NXPE2: variants seen among roughly 807,000 people sequenced by gnomAD.
The protein encoded by NXPE2 is NXPE family member 2.
Under a neutral mutation model 34.4 loss-of-function variants are expected in NXPE2, and 34 were observed. The ratio of observed to expected loss-of-function variants is 0.99; its 90% CI spans 0.75 to 1.31. NXPE2 has a LOEUF of 1.31. NXPE2 is among the 40% of genes most tolerant of loss of function. NXPE2 has a pLI of 0.00. For missense variants in NXPE2, 649 were observed against 672.5 expected (o/e 0.97, Z 0.39); for synonymous variants, 235 against 231.3 (o/e 1.02, Z -0.15).
the NXPE2 span, among the ~76,000 whole-genome samples, chr11:114,645,493 A>C: frequency 5.3e-5 from 8 of 152,136 alleles, no homozygotes; most frequent in Non-Finnish European, 1.0e-4. Context: ...AAAAACCAAA[A>C]ACAAAAACAT....
At chr11:114,765,252 A>G in the NXPE2 span, among the ~76,000 whole-genome samples, 1 of 122,436 alleles carries the variant, frequency 8.2e-6, no homozygotes, top group East Asian at 2.6e-4. Flanking sequence ...AAATACAGAC[A>G]TACTTTTTTT....
At chr11:114,507,891 A>G in the NXPE2 span, among the ~76,000 whole-genome samples, 1,724 of 152,292 alleles carry the variant, frequency 0.011, 80 homozygotes, top group Admixed American at 0.09. Context: ...AGTCCTGGCC[A>G]GGGCAATCAG....
At chr11:114,714,834 C>G in the NXPE2 span, among the ~76,000 whole-genome samples, 2 of 152,210 alleles carry the variant, frequency 1.3e-5, no homozygotes, top group South Asian at 4.1e-4. Context: ...CCAGCCTGGC[C>G]AATATGGTGA....
chr11:114,752,148 C>A, the NXPE2 span, among the ~76,000 whole-genome samples: 2 of 152,180 alleles, frequency 1.3e-5, no homozygotes, highest in Non-Finnish European at 2.9e-5. Context: ...AGGAAAAGAA[C>A]CATGTGGATA....
At chr11:114,762,193 G>A in the NXPE2 span, among the ~76,000 whole-genome samples, 2 of 152,154 alleles carry the variant, frequency 1.3e-5, no homozygotes, top group South Asian at 2.1e-4. Flanking sequence ...TGGATGGGGA[G>A]GAGGTTGCAT....
chr11:114,514,874 C>A, the NXPE2 span, among the ~76,000 whole-genome samples: 1 of 152,004 alleles, frequency 6.6e-6, no homozygotes, highest in Non-Finnish European at 1.5e-5. Context: ...GTGTTCACAT[C>A]TATTTTCTTA....
At chr11:114,625,978 AACGGCGC>A in the NXPE2 span, among the ~76,000 whole-genome samples, 4,841 of 152,216 alleles carry the variant, frequency 0.032, 264 homozygotes, top group African/African-American at 0.11. Flanking sequence ...GGGCTTAAAA[AACGGCGC>A]ACCAGGAGAT....
chr11:114,661,861 A>G, the NXPE2 span, among the ~76,000 whole-genome samples: 2 of 152,206 alleles, frequency 1.3e-5, no homozygotes, highest in African/African-American at 4.8e-5. Flanking sequence ...GATTCTCTGT[A>G]TATACCCACA....
At chr11:114,747,170 C>T in the NXPE2 span, among the ~76,000 whole-genome samples, 135 of 152,250 alleles carry the variant, frequency 8.9e-4, no homozygotes, top group African/African-American at 2.6e-3. Context: ...CTGTAATGAA[C>T]AACCACAAAC....
At chr11:114,686,423 C>T (rs1951048996) in intron 2 of NXPE2, among the ~76,000 whole-genome samples, 1 of 152,126 alleles carries the variant, frequency 6.6e-6, no homozygotes, top group Admixed American at 6.6e-5. Flanking sequence ...CCAGCTGCAT[C>T]CATGTTGCTA....
the NXPE2 span, among the ~76,000 whole-genome samples, chr11:114,619,923 G>A: frequency 6.6e-6 from 1 of 151,812 alleles, no homozygotes; most frequent in Non-Finnish European, 1.5e-5. Context: ...TTACCTCATG[G>A]GTAACCACTG....
the NXPE2 span, among the ~76,000 whole-genome samples, chr11:114,722,602 A>G: frequency 2.0e-3 from 310 of 152,292 alleles, no homozygotes; most frequent in Middle Eastern, 0.01. Context: ...CTCCAAGCCA[A>G]GACCCTAAGA....
chr11:114,556,079 CA>C, the NXPE2 span, among the ~76,000 whole-genome samples: 7 of 152,118 alleles, frequency 4.6e-5, no homozygotes, highest in African/African-American at 7.2e-5. Flanking sequence ...GACAAATCTA[CA>C]AAAAGCCTAC....
chr11:114,587,296 A>G, the NXPE2 span, among the ~76,000 whole-genome samples: 3 of 152,218 alleles, frequency 2.0e-5, no homozygotes, highest in East Asian at 1.9e-4. Flanking sequence ...TCTGCCTCCA[A>G]TTAAAATGGT....
At chr11:114,609,334 T>C in the NXPE2 span, among the ~76,000 whole-genome samples, 1 of 151,634 alleles carries the variant, frequency 6.6e-6, no homozygotes, top group Non-Finnish European at 1.5e-5. Context: ...GGTTACCCTG[T>C]GTATAATAAG....
chr11:114,766,047 A>G, the NXPE2 span, among the ~76,000 whole-genome samples: 6 of 152,142 alleles, frequency 3.9e-5, no homozygotes, highest in South Asian at 2.1e-4. Context: ...TTCTCCCTCA[A>G]TACACCATGT....
chr11:114,552,753 A>G, the NXPE2 span: 1 of 367,178 alleles, frequency 2.7e-6, no homozygotes, highest in Non-Finnish European at 3.7e-6. Flanking sequence ...GCAGCATTGA[A>G]AAAAAAGTAT....
At chr11:114,717,717 A>G in the NXPE2 span, among the ~76,000 whole-genome samples, 13 of 152,282 alleles carry the variant, frequency 8.5e-5, no homozygotes, top group African/African-American at 3.1e-4. Context: ...ACATCTTCCC[A>G]CTTCCCCCCA....
At chr11:114,466,074 G>T in the NXPE2 span, among the ~76,000 whole-genome samples, 1 of 151,820 alleles carries the variant, frequency 6.6e-6, no homozygotes, top group African/African-American at 2.4e-5. Context: ...TTGTTCAATC[G>T]ATCTCTCTCT....
Sources: allele counts gnomAD v4.1 joint callset (sites outside exome capture counted in the v4.1 genomes callset), GRCh38; gene constraint gnomAD v4.1.1; transcripts MANE v1.5; gene names NCBI Gene and HGNC (gene_info 2026-07-23, HGNC 2026-07-21).